The following DERA variants were observed in gnomAD, a reference collection of about 807,000 sequenced individuals.
DERA encodes deoxyribose-phosphate aldolase.
In DERA, 15 loss-of-function variants were observed where a neutral mutation model predicts 41.1. The ratio of observed to expected loss-of-function variants is 0.37; its 90% CI spans 0.24 to 0.56. The LOEUF is 0.56. Ranked by LOEUF, DERA falls within the 20% of genes least tolerant of loss-of-function variation. The probability of loss-of-function intolerance (pLI) is 0.81; values close to 1 mark genes in which losing one functional copy is unlikely to be tolerated. For missense variants in DERA, 396 were observed against 403.4 expected (o/e 0.98, Z 0.16); for synonymous variants, 139 against 137.4 (o/e 1.01, Z -0.08).
intron 1 of DERA, among the ~76,000 whole-genome samples, chr12:15,944,920 A>G (rs1948435813): frequency 6.6e-6 from 1 of 152,228 alleles, no homozygotes; most frequent in African/African-American, 2.4e-5. Context: ...GGTGTAAGGA[A>G]GGGATCCAGT....
In DERA at chr12:16,032,641, A is replaced by C. The variant is rs1205973955; in HGVS notation, c.737A>C (p.Lys246Thr). 6.4e-7 allele frequency: 1 copy of C among 1,554,104 alleles called. No individual in the cohort carries two copies. The highest frequency in any genetic ancestry group is 8.7e-7 in the Non-Finnish European group (1 of 1,145,500). ...CGGGCCATTAGAGATTTCTTCTGGA[A>C]AACTGGAAACAAGGTATATTATTGC... ...MLRAIRDFFW[K>T]TGNKIGFKPA... Residue 246 changes from lysine (K) to threonine (T), a missense_variant, in exon 7 of 9, where the codon AAA (lysine) becomes ACA (threonine). Transcript: ENST00000428559.
In DERA at chr12:15,976,006, T is replaced by C. The variant is rs1948694472; in HGVS notation, c.509-6302T>C. On this transcript the variant is annotated intron_variant, in intron 5 of 8. Coordinates refer to ENST00000428559, the MANE Select transcript of DERA (RefSeq NM_015954.4). The surrounding 1 kb of genome is among the most constrained non-coding windows in gnomAD (Gnocchi z 4.1). ...CCTCTTGTCAGACAGATCTAGTAAA[T>C]ACATGAACGTACACATATACACAGC... Among the ~76,000 whole-genome samples the C allele has an allele frequency of 6.6e-6, 1 of 152,186 alleles. No individual in the cohort carries two copies. Among genetic ancestry groups the C allele is most frequent in the South Asian group, 2.1e-4 (1 of 4,828 alleles).
intron 1 of DERA, among the ~76,000 whole-genome samples, chr12:15,929,322 G>T (rs1238245996): frequency 6.6e-6 from 1 of 152,216 alleles, no homozygotes; most frequent in Non-Finnish European, 1.5e-5. Flanking sequence ...AGGAGAAATT[G>T]CAGAAAGAGA....
rs181599843 is a variant in DERA at position 15,924,924 on chromosome 12, G to A, written c.31+13510G>A. Among the ~76,000 whole-genome samples the A allele has an allele frequency of 2.0e-5, 3 of 152,234 alleles. No individual in the cohort carries two copies. The highest frequency in any genetic ancestry group is 4.8e-5 in the African/African-American group (2 of 41,532). On this transcript the variant is annotated intron_variant, in intron 1 of 8. Transcript: ENST00000428559. This position sits in a 1 kb window ranked among gnomAD's most constrained non-coding sequence, Gnocchi z 5.0. ...CTTGAGGGTAGGATCTGTGCTTATC[G>A]GGCGTCTGTATCACTTATGTCACCT...
At position 15,990,594 on chromosome 12, in the gene DERA, C is replaced by T. The variant is rs1389878597; in HGVS notation, c.637+8158C>T. On this transcript the variant is annotated intron_variant, in intron 6 of 8. Coordinates refer to ENST00000428559, the MANE Select transcript of DERA (RefSeq NM_015954.4). The surrounding 1 kb of genome is among the most constrained non-coding windows in gnomAD (Gnocchi z 4.3). ...ATTTGTCGTTTTTTCTGATCCTCTT[C>T]CTCCTTCCACCCTCCAAACTCCAAA... Among the ~76,000 whole-genome samples the T allele has an allele frequency of 1.3e-5, 2 of 152,040 alleles. No individual in the cohort carries two copies. The highest frequency in any genetic ancestry group is 6.6e-5 in the Admixed American group (1 of 15,260).
intron 1 of DERA, among the ~76,000 whole-genome samples, chr12:15,952,776 C>T (rs73057143): frequency 0.022 from 3,321 of 152,302 alleles, 53 homozygotes; most frequent in Non-Finnish European, 0.036. Context: ...GATTGGACAG[C>T]GCATGTCTAC....
intron 6 of DERA, among the ~76,000 whole-genome samples, chr12:16,027,901 A>T (rs1378428813): frequency 6.6e-6 from 1 of 152,258 alleles, no homozygotes; most frequent in Non-Finnish European, 1.5e-5. Context: ...TAATATACAA[A>T]ATTCAGTTGC....
chr12:15,928,482 G>C lies in DERA; in HGVS notation c.31+17068G>C, dbSNP rs1325684442. ...GGACTATATGGTGGACATGCCATGT[G>C]CAAATTGTGAGCACAGGAAAAGGCT... On this transcript the variant is annotated intron_variant, in intron 1 of 8. Coordinates refer to ENST00000428559, the MANE Select transcript of DERA (RefSeq NM_015954.4). This position sits in a 1 kb window ranked among gnomAD's most constrained non-coding sequence, Gnocchi z 4.6. 6.6e-6 allele frequency among the ~76,000 whole-genome samples: 1 copy of C among 152,168 alleles called. No homozygotes were observed. Among genetic ancestry groups the C allele is most frequent in the Non-Finnish European group, 1.5e-5 (1 of 68,040 alleles).
intron 5 of DERA, among the ~76,000 whole-genome samples, chr12:15,971,508 C>CTTTTTTTTTTTTTTTT (rs56142412): frequency 1.0e-5 from 1 of 97,062 alleles, no homozygotes; most frequent in Non-Finnish European, 1.9e-5. Flanking sequence ...TATCTCAACT[C>CTTTTTTTTTTTTTTTT]TTTTTTTTTT....
chr12:16,000,153 G>A lies in DERA; in HGVS notation c.637+17717G>A, dbSNP rs1435743508. Among the ~76,000 whole-genome samples, 1 of 152,170 alleles carries A rather than the reference G, an allele frequency of 6.6e-6. No individual in the cohort carries two copies. The highest frequency in any genetic ancestry group is 1.5e-5 in the Non-Finnish European group (1 of 68,020). ...AACTCCTAATGGTGCCATTTGTCAGGATAGGGAATTTAAGAGGACGAAGTC... is the reference window on the plus strand; with the variant it reads ...AACTCCTAATGGTGCCATTTGTCAGAATAGGGAATTTAAGAGGACGAAGTC... On this transcript the variant is annotated intron_variant, in intron 6 of 8. Coordinates refer to ENST00000428559, the MANE Select transcript of DERA (RefSeq NM_015954.4). This position sits in a 1 kb window ranked among gnomAD's most constrained non-coding sequence, Gnocchi z 4.8.
intron 1 of DERA, among the ~76,000 whole-genome samples, chr12:15,942,277 G>A (rs1236716807): frequency 6.6e-6 from 1 of 152,094 alleles, no homozygotes; most frequent in Non-Finnish European, 1.5e-5. Context: ...TTTGTCGGAT[G>A]CATAGTTTGC....
intron 6 of DERA, among the ~76,000 whole-genome samples, chr12:16,023,538 C>T (rs961059960): frequency 3.3e-4 from 43 of 130,560 alleles, no homozygotes; most frequent in Admixed American, 8.0e-4. Flanking sequence ...AGTGCAGTGG[C>T]GGGATCTCGG....
intron 5 of DERA, among the ~76,000 whole-genome samples, chr12:15,964,165 A>C (rs942108547): frequency 6.6e-6 from 1 of 152,152 alleles, no homozygotes; most frequent in African/African-American, 2.4e-5. Flanking sequence ...CCAGCACCTT[A>C]CACTCATCTC....
At chr12:15,934,739 G>A (rs1164566737) in intron 1 of DERA, among the ~76,000 whole-genome samples, 1 of 152,144 alleles carries the variant, frequency 6.6e-6, no homozygotes, top group Non-Finnish European at 1.5e-5. Context: ...AACAACTTTT[G>A]ATATGTGAAT....
chr12:16,034,642 GT>G (rs1490328176), intron 7 of DERA, among the ~76,000 whole-genome samples: 8 of 152,084 alleles, frequency 5.3e-5, no homozygotes, highest in Non-Finnish European at 8.8e-5. Flanking sequence ...ATTTAAGGGT[GT>G]TTTAAAATGC....
rs1400088785 is a variant in DERA at position 15,918,013 on chromosome 12, G to A, written c.31+6599G>A. On this transcript the variant is annotated intron_variant, in intron 1 of 8. Transcript: ENST00000428559. The surrounding 1 kb of genome is among the most constrained non-coding windows in gnomAD (Gnocchi z 4.3). ...TATCATCTCTCTGTATCTACATAGT[G>A]AAAACCATGAGTTCACACTAATACC... Among the ~76,000 whole-genome samples, 4 of 152,144 alleles carry A rather than the reference G, an allele frequency of 2.6e-5. No homozygotes were observed. The highest frequency in any genetic ancestry group is 7.2e-5 in the African/African-American group (3 of 41,428).
chr12:15,970,185 C>T lies in DERA; in HGVS notation c.508+7238C>T, dbSNP rs1228657205. Among the ~76,000 whole-genome samples the T allele has an allele frequency of 6.6e-6, 1 of 152,072 alleles. No individual in the cohort carries two copies. Among genetic ancestry groups the T allele is most frequent in the South Asian group, 2.1e-4 (1 of 4,826 alleles). On this transcript the variant is annotated intron_variant, in intron 5 of 8. Transcript: ENST00000428559. The surrounding 1 kb of genome is among the most constrained non-coding windows in gnomAD (Gnocchi z 4.3). ...ATTTTATATTAAGTGTTTTACTGTACATATAATTATCTTAAGAGTTATTTT... is the reference window on the plus strand; with the variant it reads ...ATTTTATATTAAGTGTTTTACTGTATATATAATTATCTTAAGAGTTATTTT...
At chr12:15,962,974 G>A in intron 5 of DERA, 27 bp downstream of exon 5, 2 of 1,595,548 alleles carry the variant, frequency 1.3e-6, no homozygotes, top group Non-Finnish European at 1.7e-6. Flanking sequence ...ACCTAAGAGA[G>A]TTTCACCATT....
rs1948789165 is a variant in DERA at position 15,989,812 on chromosome 12, C to A, written c.637+7376C>A. On this transcript the variant is annotated intron_variant, in intron 6 of 8. Transcript: ENST00000428559. The surrounding 1 kb of genome is among the most constrained non-coding windows in gnomAD (Gnocchi z 5.2). ...ATCTAACTATGTTAGTCTGGTCTTA[C>A]ACATCATTGTAAGTAAAATTGTGTT... 6.6e-6 allele frequency among the ~76,000 whole-genome samples: 1 copy of A among 152,186 alleles called. No homozygotes were observed. Among genetic ancestry groups the A allele is most frequent in the African/African-American group, 2.4e-5 (1 of 41,450 alleles).
Sources: allele counts gnomAD v4.1 joint callset (sites outside exome capture counted in the v4.1 genomes callset), GRCh38; gene constraint gnomAD v4.1.1; non-coding constraint Gnocchi (gnomAD v3.1); transcripts MANE v1.5; gene names NCBI Gene and HGNC (gene_info 2026-07-23, HGNC 2026-07-21).